CALCRL: variants seen among roughly 807,000 people sequenced by gnomAD.
The protein encoded by CALCRL is calcitonin receptor like receptor, also known as calcitonin gene-related peptide type 1 receptor.
CALCRL carries 27 observed loss-of-function variants against 60.4 expected under a neutral mutation model. The observed-to-expected ratio is 0.45, with a 90% confidence interval of 0.33 to 0.62. The LOEUF is 0.62. Among genes scored for constraint, CALCRL ranks in the 20% least tolerant of loss-of-function variants. CALCRL has a pLI of 0.03. For missense variants in CALCRL, 424 were observed against 540.7 expected, an observed-to-expected ratio of 0.78 and a Z score of 2.14; for synonymous variants, 190 against 182.6, an observed-to-expected ratio of 1.04 and a Z score of -0.33.
At chr2:187,365,424 C>T (rs567102442) in intron 8 of CALCRL, among the ~76,000 whole-genome samples, 1 of 152,176 alleles carries the variant, frequency 6.6e-6, no homozygotes, top group East Asian at 1.9e-4. Context: ...CTTATCCATG[C>T]AAATATACAT....
intron 1 of CALCRL, chr2:187,415,650 C>T: frequency 1.6e-6 from 1 of 618,612 alleles, no homozygotes; most frequent in Non-Finnish European, 3.0e-6. Context: ...AGGGCCCCCT[C>T]AAGGACATTC....
At chr2:187,357,047 T>C (rs566365406) in intron 12 of CALCRL, among the ~76,000 whole-genome samples, 13 of 152,160 alleles carry the variant, frequency 8.5e-5, no homozygotes, top group Non-Finnish European at 1.3e-4. Flanking sequence ...ACTTTTACAA[T>C]GTTGGTGGGA....
At chr2:187,382,834 TA>T (rs778143737) in intron 5 of CALCRL, among the ~76,000 whole-genome samples, 14 of 147,870 alleles carry the variant, frequency 9.5e-5, no homozygotes, top group Non-Finnish European at 1.1e-4. Flanking sequence ...AGCAGGTTGT[TA>T]AAAAAAAAAG....
chr2:187,414,268 G>C lies in CALCRL; in HGVS notation c.-292-26512C>G, dbSNP rs144653570. Among the ~76,000 whole-genome samples the C allele has an allele frequency of 6.9e-3, 1,054 of 152,132 alleles. 13 individuals are homozygous for C. The highest frequency in any genetic ancestry group is 6.9e-3 in the Admixed American group (105 of 15,264). On this transcript the variant is annotated intron_variant, in intron 1 of 14. Transcript: ENST00000392370. The stretch of plus-strand genomic sequence containing the variant: ...TTATTAGGATGTGAGTATGGGAAAG[G>C]CATGTAATTAGAGTTGCCTAAGAAA...
At chr2:187,360,062 T>G (rs1686982384) in intron 10 of CALCRL, among the ~76,000 whole-genome samples, 1 of 152,104 alleles carries the variant, frequency 6.6e-6, no homozygotes, top group Non-Finnish European at 1.5e-5. Context: ...TTTTAATATG[T>G]CAGAAGTATA....
intron 1 of CALCRL, 141 bp from the exon 2 acceptor site, chr2:187,387,897 T>C (rs1688273211): frequency 2.8e-6 from 1 of 358,034 alleles, no homozygotes; most frequent in Admixed American, 4.7e-5. Context: ...AAGCCTCTTT[T>C]GCTTACAATA....
At chr2:187,427,317 A>T (rs1298006155) in intron 1 of CALCRL, among the ~76,000 whole-genome samples, 2 of 152,202 alleles carry the variant, frequency 1.3e-5, no homozygotes, top group African/African-American at 4.8e-5. Context: ...AACTCACTTC[A>T]TAGGTCCTTG....
At chr2:187,364,470 G>T (rs913089302) in intron 8 of CALCRL, among the ~76,000 whole-genome samples, 3 of 148,172 alleles carry the variant, frequency 2.0e-5, no homozygotes, top group South Asian at 2.1e-4. Flanking sequence ...GTGTGTGTGT[G>T]TTTTTTTTTT....
At chr2:187,409,348 T>G (rs1324610794) in intron 1 of CALCRL, among the ~76,000 whole-genome samples, 1 of 152,226 alleles carries the variant, frequency 6.6e-6, no homozygotes, top group Admixed American at 6.5e-5. Flanking sequence ...TATGAAATAC[T>G]TATTTTCTGA....
chr2:187,349,151 A>G (rs185377234), intron 14 of CALCRL, among the ~76,000 whole-genome samples: 1 of 151,782 alleles, frequency 6.6e-6, no homozygotes, highest in Non-Finnish European at 1.5e-5. Context: ...CTTATGGAAT[A>G]TCTACCCTCA....
chr2:187,445,475 AT>A (rs1475674499), intron 1 of CALCRL, among the ~76,000 whole-genome samples: 27 of 151,560 alleles, frequency 1.8e-4, no homozygotes, highest in Non-Finnish European at 3.3e-4. Flanking sequence ...AGATTATTAT[AT>A]TTTTTCTATA....
At chr2:187,447,954 C>G (rs1468257385) in intron 1 of CALCRL, 85 bp downstream of exon 1, 1 of 152,010 alleles carries the variant, frequency 6.6e-6, no homozygotes, top group South Asian at 2.1e-4. Flanking sequence ...TCAGTGCTAT[C>G]TACTAAATTC....
chr2:187,384,566 C>T (rs911382894), intron 4 of CALCRL, among the ~76,000 whole-genome samples: 2 of 152,154 alleles, frequency 1.3e-5, no homozygotes, highest in African/African-American at 2.4e-5. Context: ...TTAAAGATAC[C>T]GTCTAAGAAG....
In CALCRL at chr2:187,345,257, A is replaced by C. The variant is rs1686228868; in HGVS notation, c.*927T>G. 6.6e-6 allele frequency: 1 copy of C among 152,288 alleles called. No individual in the cohort carries two copies. The highest frequency in any genetic ancestry group is 2.4e-5 in the African/African-American group (1 of 41,426). 9.4% of individuals were successfully genotyped at this position (152,288 alleles called of 1,614,324 possible). ...TATAAAATAAAATAATGGAGTATTT[A>C]CAAGCTCATTTTTCACAATTTCTTT... On this transcript the variant is annotated 3_prime_UTR_variant, in exon 15 of 15. Coordinates refer to ENST00000392370, the MANE Select transcript of CALCRL (RefSeq NM_005795.6).
intron 8 of CALCRL, among the ~76,000 whole-genome samples, chr2:187,365,781 A>C (rs1213259531): frequency 6.6e-6 from 1 of 152,202 alleles, no homozygotes; most frequent in Non-Finnish European, 1.5e-5. Context: ...CACTACATTA[A>C]ATGAAATAAG....
At chr2:187,400,015 G>T (rs1367290824) in intron 1 of CALCRL, among the ~76,000 whole-genome samples, 1 of 151,390 alleles carries the variant, frequency 6.6e-6, no homozygotes, top group Non-Finnish European at 1.5e-5. Context: ...GGAGGAGTAA[G>T]TTCTGGTGTT....
At chr2:187,385,957 C>A (rs374209445) in intron 3 of CALCRL, among the ~76,000 whole-genome samples, 5 of 152,026 alleles carry the variant, frequency 3.3e-5, no homozygotes, top group African/African-American at 1.2e-4. Context: ...ACCATGTTGG[C>A]CAGGATTACA....
Position 187,378,571 on chromosome 2 carries a change from G to C in CALCRL, c.500+369C>G, listed in dbSNP as rs79468643. Among the ~76,000 whole-genome samples, 1,224 of 152,120 alleles carry C rather than the reference G, an allele frequency of 8.0e-3. 16 individuals carry two copies. Among genetic ancestry groups the C allele is most frequent in the African/African-American group, 0.028 (1,144 of 41,538 alleles). On this transcript the variant is annotated intron_variant, in intron 8 of 14. Transcript: ENST00000392370. ...TTTGCTATTATTTGCACAAAATTCC[G>C]GTTTCTAAAATGGACACTTATTCTG...
chr2:187,390,211 G>A (rs1004279848), intron 1 of CALCRL, among the ~76,000 whole-genome samples: 5 of 152,014 alleles, frequency 3.3e-5, no homozygotes, highest in Non-Finnish European at 7.4e-5. Context: ...GTAGTTTTCT[G>A]TACTGCATTT....
Sources: allele counts gnomAD v4.1 joint callset (sites outside exome capture counted in the v4.1 genomes callset), GRCh38; gene constraint gnomAD v4.1.1; transcripts MANE v1.5; gene names NCBI Gene and HGNC (gene_info 2026-07-23, HGNC 2026-07-21).